The following NOTCH4 variants were observed in gnomAD, a reference collection of about 807,000 sequenced individuals.
The protein encoded by NOTCH4 is neurogenic locus notch homolog protein 4.
A neutral mutation model predicts 189.0 loss-of-function variants in NOTCH4; 138 were observed. The observed-to-expected ratio is 0.73, with a 90% confidence interval of 0.64 to 0.84. The LOEUF is 0.84. Ranked by LOEUF, NOTCH4 falls within the 40% of genes least tolerant of loss-of-function variation. NOTCH4 has a pLI of 0.00. For missense variants in NOTCH4, 2,286 were observed against 2,605.4 expected, an observed-to-expected ratio of 0.88 and a Z score of 2.67; for synonymous variants, 942 against 1,032.8, an observed-to-expected ratio of 0.91 and a Z score of 1.69.
rs780520669 is a variant in NOTCH4, at chr6:32,222,815, G to A, written c.156-9C>T. ...GGAAGCCAGGGGCACACCTGGGCAG[G>A]GGAGGAGAGGAAAACTCACATCACT... On this transcript the variant is annotated splice_polypyrimidine_tract_variant and intron_variant, in intron 2 of 29. Coordinates refer to ENST00000375023, the MANE Select transcript of NOTCH4 (RefSeq NM_004557.4). 2.5e-6 allele frequency: 4 copies of A among 1,607,482 alleles called. No individual in the cohort carries two copies. In the South Asian group the frequency reaches 4.4e-5, roughly 18 times the overall value.
At position 32,204,268 on chromosome 6, in the gene NOTCH4, G is replaced by A. The variant is rs1221878051; in HGVS notation, c.2987C>T (p.Pro996Leu). 6 of 1,613,082 alleles carry A rather than the reference G, an allele frequency of 3.7e-6. No individual in the cohort carries two copies. In the African/African-American group the frequency reaches 5.3e-5, roughly 14 times the overall value. ...KPGGFHCACP[P>L]GFVGLRCEGD... ...CTCACAGCGTAGCCCCACAAAGCCT[G>A]GAGGGCAGGCACAGTGGAATCCTCC... The change falls in exon 19 of 30, where the codon CCA becomes CTA. Residue 996 changes from proline to leucine, a missense_variant. Physicochemically the swap from Pro to Leu is moderately conservative, Grantham distance 98. This residue lies in a region of NOTCH4 where 1,903 missense variants were observed against 2,261.9 expected (regional missense o/e 0.84). Coordinates refer to ENST00000375023, the MANE Select transcript of NOTCH4 (RefSeq NM_004557.4).
In NOTCH4 at chr6:32,198,744, G is replaced by A. The variant is rs746306804; in HGVS notation, c.4536-14C>T. On this transcript the variant is annotated splice_polypyrimidine_tract_variant and intron_variant, in intron 24 of 29. Transcript: ENST00000375023. This position sits in a 1 kb window ranked among gnomAD's most constrained non-coding sequence, Gnocchi z 5.5. ...GGCTTCAGTGCCCTGGAAAGGAATG[G>A]GTGGGTAGAGGTTACACGGAATTAT... 1.6e-5 allele frequency: 25 copies of A among 1,599,902 alleles called. No individual in the cohort carries two copies. The highest frequency in any genetic ancestry group is 2.1e-5 in the Non-Finnish European group (25 of 1,174,238).
chr6:32,204,096 G>A (rs765764029), intron 19 of NOTCH4, 41 bp downstream of exon 19: 2 of 1,604,630 alleles, frequency 1.2e-6, no homozygotes, highest in Non-Finnish European at 1.7e-6. Context: ...CTGCTTGGCT[G>A]TGCTCCAGAC....
chr6:32,214,408 TC>T (rs1292210046), intron 12 of NOTCH4, among the ~76,000 whole-genome samples, 153 bp from the exon 13 acceptor site: 1 of 150,970 alleles, frequency 6.6e-6, no homozygotes, highest in Non-Finnish European at 1.5e-5. Flanking sequence ...GCCCCCATCC[TC>T]CCCAACACCT....
At chr6:32,216,663 G>T (rs1789430208) in intron 11 of NOTCH4, 2 of 558,726 alleles carry the variant, frequency 3.6e-6, no homozygotes, top group African/African-American at 3.8e-5. Context: ...GTTGGTAAGT[G>T]CTTGCTAAAT....
In NOTCH4 at chr6:32,219,945, C is replaced by T. The variant is rs431722; in HGVS notation, c.1316-159G>A. 0.59 allele frequency among the ~76,000 whole-genome samples: 88,886 copies of T among 151,884 alleles called. 26,139 individuals are homozygous for T. Among genetic ancestry groups the T allele is most frequent in the Middle Eastern group, 0.65 (190 of 292 alleles). ...GATGGAAAGGAAATAAGGGACCAAA[C>T]TCATGGGGACTGAGGGGCTGAACAT... On this transcript the variant is annotated intron_variant, in intron 7 of 29. Coordinates refer to ENST00000375023, the MANE Select transcript of NOTCH4 (RefSeq NM_004557.4).
intron 26 of NOTCH4, 133 bp from the exon 27 acceptor site, chr6:32,197,727 G>A: frequency 1.4e-6 from 1 of 708,946 alleles, no homozygotes; most frequent in South Asian, 2.7e-5. Context: ...CTTTAGCCAA[G>A]TGACTTTTCT....
chr6:32,197,118 C>A, intron 27 of NOTCH4, 46 bp from the exon 28 acceptor site: 1 of 1,601,682 alleles, frequency 6.2e-7, no homozygotes, highest in Admixed American at 1.7e-5. Context: ...CTTGGACTGC[C>A]AACTCGAGTT....
intron 18 of NOTCH4, among the ~76,000 whole-genome samples, chr6:32,209,531 G>A (rs1788883975): frequency 6.6e-6 from 1 of 152,202 alleles, no homozygotes; most frequent in Non-Finnish European, 1.5e-5. Flanking sequence ...TGATGTTTGA[G>A]ATGATAGATA....
intron 11 of NOTCH4, 188 bp downstream of exon 11, chr6:32,216,757 C>A: frequency 1.4e-6 from 1 of 732,138 alleles, no homozygotes. Context: ...CATGTGGGCC[C>A]TACGGTAACC....
intron 2 of NOTCH4, 67 bp downstream of exon 2, chr6:32,222,938 C>A: frequency 6.4e-7 from 1 of 1,554,744 alleles, no homozygotes; most frequent in Non-Finnish European, 8.9e-7. Context: ...CTCACTTCCT[C>A]ACCTCTCCCC....
At chr6:32,197,132 T>C in intron 27 of NOTCH4, 60 bp from the exon 28 acceptor site, 1 of 1,589,782 alleles carries the variant, frequency 6.3e-7, no homozygotes, top group African/African-American at 1.3e-5. Flanking sequence ...TCGAGTTCCT[T>C]ACACTATTAA....
chr6:32,196,133 G>T lies in NOTCH4; in HGVS notation c.5316C>A (p.Phe1772Leu), dbSNP rs761037582. ...AQDNREQTPL[F>L]LAAREGAVEV... ...CCACCGCTCCTTCCCGCGCCGCCAGGAATAGCGGCGTCTGCTCCTGTACAG... is the reference window on the plus strand; with the variant it reads ...CCACCGCTCCTTCCCGCGCCGCCAGTAATAGCGGCGTCTGCTCCTGTACAG... Residue 1772 changes from phenylalanine (F) to leucine (L), a missense_variant, in exon 30 of 30, where the codon TTC (phenylalanine) becomes TTA (leucine). Around this residue, in one of 2 missense-constraint regions of NOTCH4, gnomAD observed 383 missense variants for 343.5 expected, o/e 1.11. Transcript: ENST00000375023. The T allele has an allele frequency of 6.3e-7, 1 of 1,589,878 alleles. No homozygotes were observed. The highest frequency in any genetic ancestry group is 1.3e-5 in the African/African-American group (1 of 74,696).
At position 32,222,572 on chromosome 6, in the gene NOTCH4, C is replaced by T. The variant is rs1381920664; in HGVS notation, c.390G>A (p.Arg130=). 3 of 1,586,842 alleles carry T rather than the reference C, an allele frequency of 1.9e-6. No homozygotes were observed. Among genetic ancestry groups the T allele is most frequent in the Admixed American group, 1.9e-5 (1 of 52,022 alleles). The change falls in exon 3 of 30, where the codon AGG becomes AGA. Residue 130 remains arginine, a synonymous_variant. Coordinates refer to ENST00000375023, the MANE Select transcript of NOTCH4 (RefSeq NM_004557.4). ...DPCPPSFCSK[R]GRCHIQASGR... is the part of the protein sequence containing the mutation. ...CCGAGGCCTGGATGTGGCAGCGGCC[C>T]CTTTTGGAACAGAAGGAGGGAGGAC...
intron 18 of NOTCH4, among the ~76,000 whole-genome samples, chr6:32,205,997 A>G (rs1267540719): frequency 6.6e-6 from 1 of 152,020 alleles, no homozygotes; most frequent in Non-Finnish European, 1.5e-5. Context: ...AGATTGCACC[A>G]CTACATTCCA....
At position 32,213,732 on chromosome 6, in the gene NOTCH4, T is replaced by C. The variant is rs1359443055; in HGVS notation, c.2276A>G (p.His759Arg). ...GCTGGTTTGGCACTGGGGCCCTGTG[T>C]GGCTTGGAGGGCAGGTGCAGTAGTA... ...GGYYCTCPPSHTGPQCQTSTD... is the reference protein window; with the variant it reads ...GGYYCTCPPSRTGPQCQTSTD... The change falls in exon 14 of 30, where the codon CAC becomes CGC. Residue 759 changes from histidine (H) to arginine (R), a missense_variant. His to Arg is a conservative substitution (Grantham distance 29, BLOSUM62 0). Around this residue, in one of 2 missense-constraint regions of NOTCH4, gnomAD observed 1,903 missense variants for 2,261.9 expected, o/e 0.84. Transcript: ENST00000375023. The C allele has an allele frequency of 1.9e-6, 3 of 1,612,770 alleles. No homozygotes were observed. The highest frequency in any genetic ancestry group is 2.2e-5 in the East Asian group (1 of 44,900).
chr6:32,223,881 T>TAGCAGCAGCAGCAGCAGC lies in NOTCH4; in HGVS notation c.30_47dup (p.Leu11_Leu16dup). 2.5e-6 allele frequency: 4 copies of TAGCAGCAGCAGCAGCAGC among 1,583,948 alleles called. No homozygotes were observed. Among genetic ancestry groups the TAGCAGCAGCAGCAGCAGC allele is most frequent in the South Asian group, 2.3e-5 (2 of 88,748 alleles). On this transcript the variant is annotated inframe_insertion, in exon 1 of 30. Transcript: ENST00000375023. Reference sequence around the variant, plus strand: ...CTCTGGGTCTGACCACTGAGACACATAGCAGCAGCAGCAGCAGCAGCAGCA... The same window carrying TAGCAGCAGCAGCAGCAGC: ...CTCTGGGTCTGACCACTGAGACACATAGCAGCAGCAGCAGCAGCAGCAGCAGCAGCAGCAGCAGCAGCA...
rs1286405901 is a variant in NOTCH4, at chr6:32,204,141, G to A, written c.3114C>T (p.His1038=). Residue 1038 remains histidine (H), a synonymous_variant, in exon 19 of 30, where the codon CAC becomes CAT. Coordinates refer to ENST00000375023, the MANE Select transcript of NOTCH4 (RefSeq NM_004557.4). ...CCCCTTGTCTTGGGGCCTCACCTGT[G>A]TGTCCAGGCAGACACTGGCAGTAGA... ...NAFYCQCLPG[H]TGQWCEVEID... The A allele has an allele frequency of 1.9e-6, 3 of 1,612,668 alleles. No homozygotes were observed. The highest frequency in any genetic ancestry group is 2.5e-6 in the Non-Finnish European group (3 of 1,179,944).
intron 20 of NOTCH4, 80 bp downstream of exon 20, chr6:32,203,690 C>T: frequency 1.9e-6 from 2 of 1,025,888 alleles, no homozygotes; most frequent in South Asian, 3.1e-5. Flanking sequence ...CACCCACAGT[C>T]CCTTCTGGGA....
Sources: gnomAD v4.1 joint callset for allele counts (sites outside exome capture counted in the v4.1 genomes callset) on GRCh38, gnomAD v4.1.1 for gene constraint, gnomAD v4.1.1 regional missense constraint, Gnocchi (gnomAD v3.1) non-coding constraint, MANE v1.5 for transcripts, NCBI Gene and HGNC (gene_info 2026-07-23, HGNC 2026-07-21) for gene names.